Variants in HNRNPF observed in about 807,000 individuals in gnomAD.
HNRNPF encodes the protein HnRNP F protein.
HNRNPF carries 2 observed loss-of-function variants against 26.0 expected under a neutral mutation model. The ratio of observed to expected loss-of-function variants is 0.08; its 90% confidence interval spans 0.03 to 0.24. The LOEUF (loss-of-function observed/expected upper bound fraction) is 0.24, where lower values mean the gene tolerates loss of function less well. Among genes scored for constraint, HNRNPF ranks in the 10% least tolerant of loss-of-function variants. The pLI, the probability that HNRNPF is intolerant of heterozygous loss-of-function variation, is 1.00. For synonymous variants in HNRNPF, 234 were observed against 211.5 expected, an observed-to-expected ratio of 1.11 and a Z score of -0.92; for missense variants, 299 against 539.2, an observed-to-expected ratio of 0.55 and a Z score of 4.41.
intron 1 of HNRNPF, 136 bp from the exon 2 acceptor site, chr10:43,396,726 A>C (rs1454045044): frequency 2.0e-5 from 3 of 151,968 alleles, no homozygotes; most frequent in Non-Finnish European, 4.4e-5. Flanking sequence ...CGGCCTGCTC[A>C]CGGCACTCCA....
intron 3 of HNRNPF, among the ~76,000 whole-genome samples, chr10:43,390,556 G>A (rs891246856): frequency 2.0e-5 from 3 of 152,070 alleles, no homozygotes; most frequent in Non-Finnish European, 4.4e-5. Flanking sequence ...TAGAGACCTT[G>A]GCTTCCTTAT....
At chr10:43,406,446 C>A (rs978539460) in intron 1 of HNRNPF, among the ~76,000 whole-genome samples, 20 of 152,168 alleles carry the variant, frequency 1.3e-4, no homozygotes, top group Non-Finnish European at 2.9e-4. Context: ...GTAATCCCAG[C>A]ACTTTGGGAG....
chr10:43,396,632 G>A (rs1296745767), intron 1 of HNRNPF, 42 bp from the exon 2 acceptor site: 2 of 152,242 alleles, frequency 1.3e-5, no homozygotes, highest in Non-Finnish European at 2.9e-5. Flanking sequence ...CCTTCCGCAA[G>A]GTGGGAGGCC....
rs201660330 is a variant in HNRNPF at position 43,387,940 on chromosome 10, GAAA to G, written c.-52-7_-52-5del. The G allele has an allele frequency of 5.7e-5, 65 of 1,135,538 alleles. No homozygotes were observed. The highest frequency in any genetic ancestry group is 1.2e-4 in the African/African-American group (7 of 60,698). 70.3% of individuals were successfully genotyped at this position (1,135,538 alleles called of 1,614,324 possible). On this transcript the variant is annotated splice_polypyrimidine_tract_variant and splice_region_variant and intron_variant, in intron 3 of 3. Coordinates refer to ENST00000682386, the MANE Select transcript of HNRNPF (RefSeq NM_001098204.2). This position sits in a 1 kb window ranked among gnomAD's most constrained non-coding sequence, Gnocchi z 6.0. ...CTTGGGTGTGGCTTTTTTGTGGCTG[GAAA>G]AAAAAAAAAGAAAAATTTATTTAGT...
At chr10:43,406,114 A>T (rs1838910713) in intron 1 of HNRNPF, among the ~76,000 whole-genome samples, 2 of 152,130 alleles carry the variant, frequency 1.3e-5, no homozygotes, top group Admixed American at 6.5e-5. Context: ...AACTTCTAGG[A>T]CCTAGTAAGA....
chr10:43,392,649 C>G (rs751993229), intron 3 of HNRNPF, among the ~76,000 whole-genome samples: 37 of 152,328 alleles, frequency 2.4e-4, no homozygotes, highest in Non-Finnish European at 3.8e-4. Context: ...TGGAAATCCT[C>G]TCCCTTTCAC....
intron 1 of HNRNPF, among the ~76,000 whole-genome samples, chr10:43,406,848 A>C (rs1564400363): frequency 6.6e-6 from 1 of 152,116 alleles, no homozygotes; most frequent in African/African-American, 2.4e-5. Context: ...ACCGGAATGT[A>C]ATACCTACAA....
intron 3 of HNRNPF, among the ~76,000 whole-genome samples, chr10:43,391,848 A>G (rs1302677307): frequency 6.6e-6 from 1 of 151,998 alleles, no homozygotes; most frequent in Non-Finnish European, 1.5e-5. Flanking sequence ...CAATCATGTC[A>G]TACCTCCCCT....
chr10:43,395,574 T>G (rs1010119147), intron 2 of HNRNPF, among the ~76,000 whole-genome samples: 2 of 152,210 alleles, frequency 1.3e-5, no homozygotes, highest in Non-Finnish European at 2.9e-5. Flanking sequence ...GATTATTACT[T>G]AAGACACTAT....
At chr10:43,392,408 G>T (rs1017847807) in intron 3 of HNRNPF, among the ~76,000 whole-genome samples, 1 of 152,090 alleles carries the variant, frequency 6.6e-6, no homozygotes, top group Non-Finnish European at 1.5e-5. Flanking sequence ...GCGTCGTGGC[G>T]GGCGCCAGTA....
chr10:43,399,617 T>A (rs1303440281), intron 1 of HNRNPF, among the ~76,000 whole-genome samples: 1 of 152,154 alleles, frequency 6.6e-6, no homozygotes, highest in South Asian at 2.1e-4. Flanking sequence ...ACAGTCTAGA[T>A]GCTATCTGGA....
intron 1 of HNRNPF, among the ~76,000 whole-genome samples, chr10:43,407,432 G>A (rs1004008255): frequency 6.6e-5 from 10 of 152,118 alleles, no homozygotes; most frequent in African/African-American, 1.9e-4. Context: ...GCGGAGCCGA[G>A]CGGGGGTCCC....
At chr10:43,401,405 G>A (rs552236585) in intron 1 of HNRNPF, among the ~76,000 whole-genome samples, 2 of 152,254 alleles carry the variant, frequency 1.3e-5, no homozygotes, top group East Asian at 1.9e-4. Context: ...AATTCTGACC[G>A]ATCATAAAAC....
intron 1 of HNRNPF, among the ~76,000 whole-genome samples, chr10:43,405,907 A>C (rs1355955959): frequency 6.6e-6 from 1 of 152,146 alleles, no homozygotes; most frequent in Admixed American, 6.5e-5. Flanking sequence ...GCTCAGGGCA[A>C]CTAAGACAGG....
At chr10:43,402,313 C>T (rs1416433156) in intron 1 of HNRNPF, among the ~76,000 whole-genome samples, 1 of 152,154 alleles carries the variant, frequency 6.6e-6, no homozygotes, top group East Asian at 1.9e-4. Context: ...CCAACACACG[C>T]CTGTGCTGTG....
intron 2 of HNRNPF, among the ~76,000 whole-genome samples, chr10:43,396,106 G>A (rs11817723): frequency 0.028 from 4,276 of 152,280 alleles, 95 homozygotes; most frequent in South Asian, 0.041. Flanking sequence ...AAGCGCTCCC[G>A]AACGAGCTCT....
intron 1 of HNRNPF, chr10:43,407,594 C>T (rs1437009351): frequency 6.6e-6 from 1 of 152,204 alleles, no homozygotes; most frequent in East Asian, 1.9e-4. Flanking sequence ...CCACAAGTTT[C>T]CTACGAGCAG....
rs1416310150 is a variant in HNRNPF, at chr10:43,387,136, C to G, written c.749G>C (p.Ser250Thr). 6 of 1,613,902 alleles carry G rather than the reference C, an allele frequency of 3.7e-6. No individual in the cohort carries two copies. Among genetic ancestry groups the G allele is most frequent in the Non-Finnish European group, 5.1e-6 (6 of 1,180,046 alleles). ...GTCGGTGGTGAAGCCGTAGCCATCA[C>G]TGAGGCCACTGTACTCCTCGTAGCC... ...YGGYEEYSGLSDGYGFTTDLF... is the reference protein window; with the variant it reads ...YGGYEEYSGLTDGYGFTTDLF... The change falls in exon 4 of 4, where the codon AGT becomes ACT. Residue 250 changes from serine (S) to threonine (T), a missense_variant. Ser to Thr is a moderately conservative substitution (Grantham distance 58). Coordinates refer to ENST00000682386, the MANE Select transcript of HNRNPF (RefSeq NM_001098204.2). The surrounding 1 kb of genome is among the most constrained non-coding windows in gnomAD (Gnocchi z 6.0).
In HNRNPF at chr10:43,389,898, T is replaced by C. The variant is rs144598184; in HGVS notation, c.-52-1962A>G. On this transcript the variant is annotated intron_variant, in intron 3 of 3. Transcript: ENST00000682386. ...ATTGCCCACCTCAAATTATTGACTA[T>C]GTACATAAACTCCATCAACTTTTAT... Among the ~76,000 whole-genome samples the C allele has an allele frequency of 2.4e-4, 37 of 152,340 alleles. No homozygotes were observed. In the East Asian group the frequency reaches 6.9e-3, roughly 29 times the overall value.
Sources: gnomAD v4.1 joint callset for allele counts (sites outside exome capture counted in the v4.1 genomes callset) on GRCh38, gnomAD v4.1.1 for gene constraint, Gnocchi (gnomAD v3.1) non-coding constraint, MANE v1.5 for transcripts, NCBI Gene and HGNC (gene_info 2026-07-23, HGNC 2026-07-21) for gene names.